The following KIF26B variants were observed in gnomAD, a reference collection of about 807,000 sequenced individuals.
KIF26B encodes kinesin-like protein KIF26B.
A neutral mutation model predicts 151.2 loss-of-function variants in KIF26B; 63 were observed. The ratio of observed to expected loss-of-function variants is 0.42; its 90% CI spans 0.34 to 0.51. KIF26B has a LOEUF of 0.51. Among genes scored for constraint, KIF26B ranks in the 20% least tolerant of loss-of-function variants. KIF26B has a pLI of 0.07. For synonymous variants in KIF26B, 1,357 were observed against 1,262.1 expected, an observed-to-expected ratio of 1.08 and a Z score of -1.59; for missense variants, 2,813 against 2,913.6, an observed-to-expected ratio of 0.97 and a Z score of 0.79.
intron 2 of KIF26B, among the ~76,000 whole-genome samples, chr1:245,182,017 C>T (rs1000586019): frequency 1.3e-5 from 2 of 152,046 alleles, no homozygotes; most frequent in Non-Finnish European, 2.9e-5. Context: ...TAAACGTGTG[C>T]GGGCCTAACT....
chr1:245,196,361 C>G (rs1180206737), intron 2 of KIF26B, among the ~76,000 whole-genome samples: 1 of 152,168 alleles, frequency 6.6e-6, no homozygotes, highest in Non-Finnish European at 1.5e-5. Flanking sequence ...AACAACCTTC[C>G]ACTGTGTTTC....
chr1:245,511,488 A>G (rs1660836272), intron 4 of KIF26B, among the ~76,000 whole-genome samples: 1 of 152,260 alleles, frequency 6.6e-6, no homozygotes. Flanking sequence ...TATTAGAATC[A>G]AAGAACTAAA....
chr1:245,410,141 C>T (rs1231939352), intron 3 of KIF26B, among the ~76,000 whole-genome samples: 1 of 152,204 alleles, frequency 6.6e-6, no homozygotes, highest in Non-Finnish European at 1.5e-5. Context: ...CCATCTCCTC[C>T]CTCTTCTCCG....
At chr1:245,573,044 A>AC (rs1470518805) in intron 5 of KIF26B, among the ~76,000 whole-genome samples, 1 of 152,210 alleles carries the variant, frequency 6.6e-6, no homozygotes, top group Non-Finnish European at 1.5e-5. Context: ...TCCAACTAAA[A>AC]CACACACGGA....
rs1553338156 is a variant in KIF26B at position 245,244,756 on chromosome 1, T to TCACACTCACACA, written c.465+88078_465+88079insTCACACACACAC. Among the ~76,000 whole-genome samples the TCACACTCACACA allele has an allele frequency of 1.4e-5, 2 of 144,464 alleles. No homozygotes were observed. Among genetic ancestry groups the TCACACTCACACA allele is most frequent in the Middle Eastern group, 3.4e-3 (1 of 290 alleles). 94.8% of individuals were successfully genotyped at this position (144,464 alleles called of 152,430 possible). A position where few individuals can be genotyped will look rare whatever the true frequency, so the allele number is the denominator to read the frequency against. Reference sequence around the variant, plus strand: ...AGAAGGAACACACAGACACGCACACTCACACACACACACACACACACACAC... The same window carrying TCACACTCACACA: ...AGAAGGAACACACAGACACGCACACTCACACTCACACACACACACACACACACACACACACAC... On this transcript the variant is annotated intron_variant, in intron 2 of 14. Coordinates refer to ENST00000407071, the MANE Select transcript of KIF26B (RefSeq NM_018012.4). The surrounding 1 kb of genome is among the most constrained non-coding windows in gnomAD (Gnocchi z 4.2).
chr1:245,281,860 G>A (rs1360434928), intron 2 of KIF26B, among the ~76,000 whole-genome samples: 1 of 151,320 alleles, frequency 6.6e-6, no homozygotes, highest in Admixed American at 6.6e-5. Flanking sequence ...ATTAAATAGG[G>A]AATCCTTTCC....
chr1:245,550,820 A>G (rs766221552), intron 5 of KIF26B, among the ~76,000 whole-genome samples: 2 of 152,206 alleles, frequency 1.3e-5, no homozygotes, highest in Non-Finnish European at 2.9e-5. Context: ...GCCTCAAAAC[A>G]GGAAGCCCAG....
chr1:245,210,250 G>A (rs957170039), intron 2 of KIF26B, among the ~76,000 whole-genome samples: 1 of 152,176 alleles, frequency 6.6e-6, no homozygotes, highest in South Asian at 2.1e-4. Flanking sequence ...GTGACATCAG[G>A]CCACCCGCAG....
In KIF26B at chr1:245,620,351, G is replaced by C. The variant is rs2043644531; in HGVS notation, c.2098+8375G>C. 5.3e-5 allele frequency among the ~76,000 whole-genome samples: 8 copies of C among 152,116 alleles called. No homozygotes were observed. The South Asian group carries it at 1.7e-3, about 32-fold the overall frequency. On this transcript the variant is annotated intron_variant, in intron 9 of 14. Transcript: ENST00000407071. The stretch of plus-strand genomic sequence containing the variant: ...TATAGACTTTTTCTAGATTCTTACA[G>C]TATTTTCCACTCTATAATTCCTCAT...
intron 2 of KIF26B, among the ~76,000 whole-genome samples, chr1:245,260,014 G>A (rs988597667): frequency 2.0e-5 from 3 of 151,616 alleles, no homozygotes; most frequent in Non-Finnish European, 2.9e-5. Context: ...GCATAGCATA[G>A]TGGGACAGGA....
intron 9 of KIF26B, among the ~76,000 whole-genome samples, chr1:245,637,194 A>C (rs1189191811): frequency 6.6e-6 from 1 of 151,900 alleles, no homozygotes; most frequent in Non-Finnish European, 1.5e-5. Context: ...TGTCTTTTTG[A>C]TAATAGCCAT....
intron 9 of KIF26B, among the ~76,000 whole-genome samples, chr1:245,634,838 C>A (rs1482606737): frequency 6.6e-6 from 1 of 151,996 alleles, no homozygotes; most frequent in Non-Finnish European, 1.5e-5. Flanking sequence ...CTCAGCCTCC[C>A]AACTAGCTAG....
chr1:245,553,128 T>G (rs996144550), intron 5 of KIF26B, among the ~76,000 whole-genome samples: 1 of 152,244 alleles, frequency 6.6e-6, no homozygotes, highest in Non-Finnish European at 1.5e-5. Context: ...TGCCAAGCAC[T>G]GTTCAGAAGG....
chr1:245,649,866 T>C (rs1182475517), intron 10 of KIF26B, among the ~76,000 whole-genome samples: 1 of 152,214 alleles, frequency 6.6e-6, no homozygotes, highest in Non-Finnish European at 1.5e-5. Flanking sequence ...GTGAGCAAGC[T>C]GGAAAGTGAG....
chr1:245,611,994 C>T lies in KIF26B; in HGVS notation c.2098+18C>T. On this transcript the variant is annotated intron_variant, in intron 9 of 14. Transcript: ENST00000407071. ...AGGGGGAAGTAAGTCGGCCACTCCA[C>T]CCTCCTGCCTCCTTAGCGGCTCTGG... The T allele has an allele frequency of 6.2e-7, 1 of 1,608,854 alleles. No individual in the cohort carries two copies.
At chr1:245,185,929 C>T (rs574466438) in intron 2 of KIF26B, among the ~76,000 whole-genome samples, 18 of 152,082 alleles carry the variant, frequency 1.2e-4, no homozygotes, top group African/African-American at 2.2e-4. Flanking sequence ...AGCTGGAGTG[C>T]GGTGGCGTGA....
At chr1:245,484,145 A>C (rs867510898) in intron 4 of KIF26B, among the ~76,000 whole-genome samples, 1 of 151,694 alleles carries the variant, frequency 6.6e-6, no homozygotes, top group African/African-American at 2.4e-5. Flanking sequence ...GTTTACCTTC[A>C]TATCTTCTCT....
chr1:245,395,721 C>G (rs554537252), intron 3 of KIF26B, among the ~76,000 whole-genome samples: 10 of 152,152 alleles, frequency 6.6e-5, no homozygotes, highest in African/African-American at 2.2e-4. Context: ...ATCTGATATA[C>G]CCCCCAAAGT....
At chr1:245,468,898 G>T (rs1659849319) in intron 4 of KIF26B, among the ~76,000 whole-genome samples, 1 of 152,170 alleles carries the variant, frequency 6.6e-6, no homozygotes, top group Admixed American at 6.5e-5. Flanking sequence ...TTCAGCAAGT[G>T]AAACTACTTG....
Sources: allele counts gnomAD v4.1 joint callset (sites outside exome capture counted in the v4.1 genomes callset), GRCh38; gene constraint gnomAD v4.1.1; non-coding constraint Gnocchi (gnomAD v3.1); transcripts MANE v1.5; gene names NCBI Gene and HGNC (gene_info 2026-07-23, HGNC 2026-07-21).